The following SLC8A1 variants were observed in gnomAD, a reference collection of about 807,000 sequenced individuals.
SLC8A1 encodes solute carrier family 8 member A1.
SLC8A1 carries 18 observed loss-of-function variants against 68.3 expected under a neutral mutation model. The observed-to-expected ratio is 0.26, with a 90% CI of 0.18 to 0.39. The LOEUF (loss-of-function observed/expected upper bound fraction) is 0.39, where lower values mean the gene tolerates loss of function less well. SLC8A1 is among the 10% of genes least tolerant of loss of function. The pLI is 1.00. For missense variants in SLC8A1, 985 were observed against 1,156.7 expected, an observed-to-expected ratio of 0.85 and a Z score of 2.15; for synonymous variants, 475 against 415.5, an observed-to-expected ratio of 1.14 and a Z score of -1.74.
At position 40,381,808 on chromosome 2, in the gene SLC8A1, G is replaced by T. The variant is rs958243667; in HGVS notation, c.1808+46665C>A. On this transcript the variant is annotated intron_variant, in intron 2 of 7. Coordinates refer to ENST00000406785, the Ensembl canonical transcript of SLC8A1. The stretch of plus-strand genomic sequence containing the variant: ...CTTTCCAGATCACCATCTGGACAAA[G>T]AGAAGCCACACCCCTCACCTATCAT... Among the ~76,000 whole-genome samples the T allele has an allele frequency of 2.7e-5, 4 of 150,814 alleles. No homozygotes were observed. The South Asian group carries it at 8.4e-4, about 32-fold the overall frequency.
At chr2:40,097,291 T>A (rs577336487) in exon 8 of SLC8A1, 1 of 151,766 alleles carries the variant, frequency 6.6e-6, no homozygotes, top group Non-Finnish European at 1.5e-5. Flanking sequence ...CAAACATTTA[T>A]ATTTCAGTGT....
intron 7 of SLC8A1, among the ~76,000 whole-genome samples, chr2:40,125,153 G>T (rs1186018939): frequency 6.6e-6 from 1 of 152,194 alleles, no homozygotes; most frequent in African/African-American, 2.4e-5. Context: ...GGGAAGGAGT[G>T]AACGGCTGAA....
At chr2:40,209,439 G>T (rs2056156999) in intron 2 of SLC8A1, among the ~76,000 whole-genome samples, 1 of 152,138 alleles carries the variant, frequency 6.6e-6, no homozygotes. Context: ...AGAGTGAGGG[G>T]AAGTGGTTGG....
At chr2:40,226,982 G>C (rs2059059449) in intron 2 of SLC8A1, among the ~76,000 whole-genome samples, 1 of 152,012 alleles carries the variant, frequency 6.6e-6, no homozygotes, top group Non-Finnish European at 1.5e-5. Flanking sequence ...ACAACTAAGA[G>C]ACATTTTAAC....
intron 6 of SLC8A1, among the ~76,000 whole-genome samples, chr2:40,144,679 A>G (rs183193674): frequency 2.8e-4 from 43 of 152,204 alleles, no homozygotes; most frequent in African/African-American, 9.6e-4. Context: ...AGAGCCAGCC[A>G]TAAGCTCTTT....
intron 6 of SLC8A1, among the ~76,000 whole-genome samples, chr2:40,157,219 T>C (rs1208181720): frequency 2.0e-5 from 3 of 152,198 alleles, no homozygotes; most frequent in African/African-American, 7.2e-5. Flanking sequence ...GGCGTTTCCA[T>C]GTACAGATGG....
rs150914429 is a variant in SLC8A1 at position 40,329,390 on chromosome 2, C to G, written c.1808+99083G>C. The stretch of plus-strand genomic sequence containing the variant: ...TTTCTGGAGGCCAAGTTAATAAATT[C>G]AATACATCCAAGTGTGTTTAAATTT... On this transcript the variant is annotated intron_variant, in intron 2 of 7. Coordinates refer to ENST00000406785, the Ensembl canonical transcript of SLC8A1. 1.9e-4 allele frequency among the ~76,000 whole-genome samples: 29 copies of G among 152,250 alleles called. No individual in the cohort carries two copies. The East Asian group carries it at 4.1e-3, about 21-fold the overall frequency.
intron 6 of SLC8A1, among the ~76,000 whole-genome samples, chr2:40,146,107 C>CA (rs2042419244): frequency 6.6e-6 from 1 of 152,166 alleles, no homozygotes; most frequent in Admixed American, 6.5e-5. Context: ...CACTTCCTAT[C>CA]AACGATAGCT....
intron 2 of SLC8A1, among the ~76,000 whole-genome samples, chr2:40,329,268 G>A (rs2076171556): frequency 6.6e-6 from 1 of 152,066 alleles, no homozygotes; most frequent in South Asian, 2.1e-4. Context: ...ATCCTTCCCA[G>A]ACCTCTGTCT....
At chr2:40,142,119 A>G (rs1317286937) in intron 6 of SLC8A1, among the ~76,000 whole-genome samples, 1 of 152,186 alleles carries the variant, frequency 6.6e-6, no homozygotes, top group Admixed American at 6.5e-5. Context: ...ATGTAGGAAC[A>G]ATTACTCAGT....
At chr2:40,257,046 A>G (rs11124738) in intron 2 of SLC8A1, among the ~76,000 whole-genome samples, 119,651 of 151,268 alleles carry the variant, frequency 0.79, 47,478 homozygotes, top group South Asian at 0.9. Context: ...ATAAATAAAT[A>G]AATGAATAAA....
At chr2:40,287,065 AT>A (rs2068438852) in intron 2 of SLC8A1, among the ~76,000 whole-genome samples, 2 of 152,168 alleles carry the variant, frequency 1.3e-5, no homozygotes, top group African/African-American at 4.8e-5. Context: ...CATGAAAGGA[AT>A]TTAAAACAAT....
At chr2:40,392,194 AAG>A (rs1428626226) in intron 2 of SLC8A1, among the ~76,000 whole-genome samples, 1 of 151,902 alleles carries the variant, frequency 6.6e-6, no homozygotes, top group East Asian at 1.9e-4. Flanking sequence ...GAAAAGAAAA[AAG>A]AAAGAAAAGA....
intron 7 of SLC8A1, among the ~76,000 whole-genome samples, chr2:40,123,892 T>A (rs2037480298): frequency 6.6e-6 from 1 of 152,208 alleles, no homozygotes; most frequent in Admixed American, 6.5e-5. Context: ...TTAAACACAA[T>A]CTAGGGCTGC....
intron 3 of SLC8A1, among the ~76,000 whole-genome samples, chr2:40,177,462 T>C (rs1464472338): frequency 6.6e-6 from 1 of 152,214 alleles, no homozygotes; most frequent in Non-Finnish European, 1.5e-5. Flanking sequence ...CCGTGAGTAG[T>C]GAAAAACTAA....
At chr2:40,254,159 C>G (rs933117979) in intron 2 of SLC8A1, among the ~76,000 whole-genome samples, 1 of 151,416 alleles carries the variant, frequency 6.6e-6, no homozygotes, top group Non-Finnish European at 1.5e-5. Context: ...TATTTATAAT[C>G]ATTATGTCAA....
chr2:40,236,854 T>G (rs911605606), intron 2 of SLC8A1, among the ~76,000 whole-genome samples: 20 of 151,144 alleles, frequency 1.3e-4, no homozygotes, highest in South Asian at 4.2e-4. Context: ...TCTCCTTCGC[T>G]TATGAAGCTT....
In SLC8A1 at chr2:40,265,514, A is replaced by G. The variant is rs1438013791; in HGVS notation, c.1809-87659T>C. ...AGCGAAAAAGTTGGTAGAGGTGGGC[A>G]GATAATAAAACTGATGAGAAAGATC... On this transcript the variant is annotated intron_variant, in intron 2 of 7. Transcript: ENST00000406785. Among the ~76,000 whole-genome samples, 6 of 152,304 alleles carry G rather than the reference A, an allele frequency of 3.9e-5. No homozygotes were observed. The East Asian group carries it at 1.2e-3, about 29-fold the overall frequency.
intron 2 of SLC8A1, among the ~76,000 whole-genome samples, chr2:40,322,260 CCTT>C (rs920117780): frequency 6.6e-6 from 1 of 152,076 alleles, no homozygotes; most frequent in Non-Finnish European, 1.5e-5. Context: ...AATTTATTAA[CCTT>C]TCTTTTTTTC....
Sources: gnomAD v4.1 joint callset for allele counts (sites outside exome capture counted in the v4.1 genomes callset) on GRCh38, gnomAD v4.1.1 for gene constraint, MANE v1.5 for transcripts, NCBI Gene and HGNC (gene_info 2026-07-23, HGNC 2026-07-21) for gene names.